Variants in COX4I1 observed in about 807,000 individuals in gnomAD.
The protein encoded by COX4I1 is cytochrome c oxidase subunit 4 isoform 1, mitochondrial.
A neutral mutation model predicts 21.7 loss-of-function variants in COX4I1; 18 were observed. The ratio of observed to expected loss-of-function variants is 0.83; its 90% CI spans 0.57 to 1.23. The LOEUF (loss-of-function observed/expected upper bound fraction) is 1.23. COX4I1 is among the 50% of genes most tolerant of loss of function. COX4I1 has a pLI of 0.00. For missense variants in COX4I1, 238 were observed against 220.7 expected (o/e 1.08, Z -0.50); for synonymous variants, 100 against 81.5 (o/e 1.23, Z -1.23).
At position 85,806,047 on chromosome 16, in the gene COX4I1, T is replaced by C. The variant is rs879004191; in HGVS notation, c.373+183T>C. ...GAGAACTGAAGTCGTGGGAGGTTAG[T>C]TTATAAGCCAGCATCTGATTATTCA... On this transcript the variant is annotated intron_variant, in intron 4 of 4. Coordinates refer to ENST00000253452, the MANE Select transcript of COX4I1 (RefSeq NM_001861.6). The C allele has an allele frequency of 5.1e-6, 4 of 783,838 alleles. No homozygotes were observed. The Admixed American group carries it at 1.1e-4, about 22-fold the overall frequency. 48.6% of individuals were successfully genotyped at this position (783,838 alleles called of 1,614,324 possible).
chr16:85,802,478 C>A lies in COX4I1; in HGVS notation c.73+1200C>A, dbSNP rs866137356. 2.6e-4 allele frequency among the ~76,000 whole-genome samples: 39 copies of A among 152,348 alleles called. 2 individuals carry two copies. The South Asian group carries it at 4.6e-3, about 18-fold the overall frequency. Reference sequence around the variant, plus strand: ...GAGGCAGATGAAGACGAACTGCAGGCTCTTAGACAAGTCTTCTCTGTTAAG... The same window carrying A: ...GAGGCAGATGAAGACGAACTGCAGGATCTTAGACAAGTCTTCTCTGTTAAG... On this transcript the variant is annotated intron_variant, in intron 2 of 4. Transcript: ENST00000253452.
chr16:85,802,833 C>T (rs1440033465), intron 2 of COX4I1, among the ~76,000 whole-genome samples: 1 of 152,220 alleles, frequency 6.6e-6, no homozygotes, highest in Non-Finnish European at 1.5e-5. Flanking sequence ...CCCCTGAAAC[C>T]ATGAATTGGC....
chr16:85,805,915 G>A, intron 4 of COX4I1, 51 bp downstream of exon 4: 1 of 1,610,618 alleles, frequency 6.2e-7, no homozygotes, highest in Non-Finnish European at 8.5e-7. Context: ...GCTCCAGCCT[G>A]CAGTGCCCAT....
chr16:85,806,109 C>G lies in COX4I1; in HGVS notation c.373+245C>G, dbSNP rs1906178327. The G allele has an allele frequency of 8.3e-6, 5 of 599,788 alleles. No individual in the cohort carries two copies. The East Asian group carries it at 1.4e-4, about 17-fold the overall frequency. 37.2% of individuals were successfully genotyped at this position (599,788 alleles called of 1,614,324 possible). On this transcript the variant is annotated intron_variant, in intron 4 of 4. Transcript: ENST00000253452. The stretch of plus-strand genomic sequence containing the variant: ...GTTGGGTGGTGAAATACCTTAACTA[C>G]TTTGTACAGCACACCACGTTTTCAG...
intron 2 of COX4I1, among the ~76,000 whole-genome samples, chr16:85,802,765 A>G (rs942663916): frequency 6.6e-5 from 10 of 152,222 alleles, no homozygotes; most frequent in South Asian, 2.1e-4. Flanking sequence ...AATGTTTGGT[A>G]TATTAACCAT....
At chr16:85,800,453 A>G (rs369411933) in intron 1 of COX4I1, among the ~76,000 whole-genome samples, 2 of 152,024 alleles carry the variant, frequency 1.3e-5, no homozygotes, top group East Asian at 1.9e-4. Flanking sequence ...CTTCTAGTCT[A>G]TGTACAGGCG....
chr16:85,805,731 A>G lies in COX4I1; in HGVS notation c.242-2A>G, dbSNP rs113202317. ...GTAAATGGCTGTCCTCTCTGCCCCC[A>G]GTGTATCGCATTAAGTTCAAGGAGA... is the stretch of plus-strand genomic sequence containing the variant. On this transcript the variant is annotated splice_acceptor_variant, in intron 3 of 4. Transcript: ENST00000253452. LOFTEE classifies it high-confidence loss of function. 6.2e-7 allele frequency: 1 copy of G among 1,614,142 alleles called. No homozygotes were observed. The highest frequency in any genetic ancestry group is 2.2e-5 in the East Asian group (1 of 44,872).
chr16:85,805,323 T>C, intron 3 of COX4I1: 2 of 559,628 alleles, frequency 3.6e-6, no homozygotes, highest in South Asian at 4.6e-5. Flanking sequence ...CCCCCTTCTC[T>C]GTGCTGAGTG....
At chr16:85,802,650 T>C (rs2733954) in intron 2 of COX4I1, among the ~76,000 whole-genome samples, 41,134 of 152,190 alleles carry the variant, frequency 0.27, 6,456 homozygotes, top group East Asian at 0.72. Context: ...TGCCCAGATA[T>C]ACCAGATCTC....
At chr16:85,801,363 T>G (rs1905743866) in intron 2 of COX4I1, 85 bp downstream of exon 2, 4 of 1,197,080 alleles carry the variant, frequency 3.3e-6, no homozygotes, top group Non-Finnish European at 4.9e-6. Context: ...GCTGGAGTTT[T>G]AAAGACCTTA....
rs1906079305 is a variant in COX4I1 at position 85,805,070 on chromosome 16, C to T, written c.207C>T (p.Ser69=). Residue 69 remains serine, a synonymous_variant, in exon 3 of 5, where the codon TCC becomes TCT. Coordinates refer to ENST00000253452, the MANE Select transcript of COX4I1 (RefSeq NM_001861.6). ...CATTGAAGGAGAAGGAGAAGGCCTC[C>T]TGGAGCAGCCTCTCCATGGATGAGA... ...QKALKEKEKA[S]WSSLSMDEKV... is the part of the protein sequence containing the mutation. 6.2e-7 allele frequency: 1 copy of T among 1,613,684 alleles called. No homozygotes were observed. The highest frequency in any genetic ancestry group is 1.1e-5 in the South Asian group (1 of 91,056).
At chr16:85,806,049 T>C in intron 4 of COX4I1, 185 bp downstream of exon 4, 1 of 767,414 alleles carries the variant, frequency 1.3e-6, no homozygotes, top group Non-Finnish European at 2.1e-6. Flanking sequence ...GAGGTTAGTT[T>C]ATAAGCCAGC....
chr16:85,800,764 C>T lies in COX4I1; in HGVS notation c.-1-441C>T, dbSNP rs913517461. On this transcript the variant is annotated intron_variant, in intron 1 of 4. Transcript: ENST00000253452. ...TCAGCCTCCCAAGTAGCGGGGATTA[C>T]GGGCGCCCACTACCATGCCCGGCTA... Among the ~76,000 whole-genome samples, 11 of 152,100 alleles carry T rather than the reference C, an allele frequency of 7.2e-5. No homozygotes were observed. In the South Asian group the frequency reaches 1.0e-3, roughly 14 times the overall value.
chr16:85,806,606 G>A, intron 4 of COX4I1, 132 bp from the exon 5 acceptor site: 1 of 1,277,066 alleles, frequency 7.8e-7, no homozygotes, highest in Non-Finnish European at 1.1e-6. Flanking sequence ...GTGTGTTTGA[G>A]CGGGTGTTGA....
In COX4I1 at chr16:85,807,006, T is replaced by C. The variant is rs533788527; in HGVS notation, c.*132T>C. On this transcript the variant is annotated 3_prime_UTR_variant, in exon 5 of 5. Coordinates refer to ENST00000253452, the MANE Select transcript of COX4I1 (RefSeq NM_001861.6). The stretch of plus-strand genomic sequence containing the variant: ...TAAATGACCAGTTTACCTGAAACCC[T>C]TTGTGATCAGTTCTTTAATGATACC... The C allele has an allele frequency of 9.7e-6, 9 of 926,558 alleles. 1 individual carries two copies. In the Admixed American group the frequency reaches 2.5e-4, roughly 25 times the overall value. The allele number at this position is 926,558 out of a possible 1,614,324, so 57.4% of individuals were successfully genotyped here. A position where few individuals can be genotyped will look rare whatever the true frequency, so the allele number is the denominator to read the frequency against.
chr16:85,803,619 T>A (rs1244455175), intron 2 of COX4I1: 1 of 152,256 alleles, frequency 6.6e-6, no homozygotes, highest in Non-Finnish European at 1.5e-5. Flanking sequence ...TGATACCTGC[T>A]GCTTTGAAGG....
chr16:85,802,031 A>G (rs1338019069), intron 2 of COX4I1, among the ~76,000 whole-genome samples: 2 of 151,990 alleles, frequency 1.3e-5, no homozygotes, highest in Non-Finnish European at 1.5e-5. Context: ...GGGTCTTTTC[A>G]TTGCCTTAGT....
chr16:85,802,712 T>A (rs1905867443), intron 2 of COX4I1, among the ~76,000 whole-genome samples: 1 of 152,202 alleles, frequency 6.6e-6, no homozygotes, highest in Non-Finnish European at 1.5e-5. Context: ...TGACAAACAT[T>A]CCTTACAATC....
rs1415977775 is a variant in COX4I1, at chr16:85,801,258, C to G, written c.53C>G (p.Ser18Cys). Residue 18 changes from serine to cysteine, a missense_variant, in exon 2 of 5, where the codon TCT (serine) becomes TGT (cysteine). Ser to Cys is a moderately radical substitution (Grantham distance 112). Transcript: ENST00000253452. ...SLVGKRAIST[S>C]VCVRAHESVV... ...GTTGGCAAGCGAGCAATTTCCACCT[C>G]TGTGTGTGTACGAGCTCATGGTAAG... is the stretch of plus-strand genomic sequence containing the variant. 13 of 1,610,938 alleles carry G rather than the reference C, an allele frequency of 8.1e-6. No individual in the cohort carries two copies. Among genetic ancestry groups the G allele is most frequent in the Admixed American group, 1.7e-5 (1 of 59,962 alleles).
Sources: gnomAD v4.1 joint callset for allele counts (sites outside exome capture counted in the v4.1 genomes callset) on GRCh38, gnomAD v4.1.1 for gene constraint, MANE v1.5 for transcripts, NCBI Gene and HGNC (gene_info 2026-07-23, HGNC 2026-07-21) for gene names.